Variants in MAP3K15 observed in about 807,000 individuals in gnomAD.
The protein encoded by MAP3K15 is MAPK/ERK kinase kinase 15.
Under a neutral mutation model 99.5 loss-of-function variants are expected in MAP3K15, and 124 were observed. The observed-to-expected ratio is 1.25, with a 90% CI of 1.08 to 1.45. The LOEUF (loss-of-function observed/expected upper bound fraction) is 1.45, where lower values mean the gene tolerates loss of function less well. Ranked by LOEUF, MAP3K15 falls within the 40% of genes most tolerant of loss-of-function variation. The pLI, the probability that MAP3K15 is intolerant of heterozygous loss-of-function variation, is 0.00. For synonymous variants in MAP3K15, 494 were observed against 439.6 expected (o/e 1.12, Z -1.55); for missense variants, 1,242 against 1,079.7 (o/e 1.15, Z -2.11).
At chrX:19,490,784 T>G (rs1365177299) in intron 1 of MAP3K15, among the ~76,000 whole-genome samples, 1 of 109,607 alleles carries the variant, frequency 9.1e-6, no homozygotes, top group Non-Finnish European at 1.9e-5. Flanking sequence ...AAATGCACCC[T>G]GGAGTTGCAC....
chrX:19,377,764 G>A (rs984818855), intron 19 of MAP3K15, among the ~76,000 whole-genome samples: 5 of 111,735 alleles, frequency 4.5e-5, no homozygotes, highest in Admixed American at 3.8e-4. Context: ...ACGCTGCCAT[G>A]GAAGCTGCAG....
At chrX:19,393,606 A>C (rs922019839) in intron 16 of MAP3K15, among the ~76,000 whole-genome samples, 12 of 108,124 alleles carry the variant, frequency 1.1e-4, no homozygotes, top group Non-Finnish European at 2.3e-4. Flanking sequence ...ACTGCACTCC[A>C]GCCTGGGCAA....
intron 11 of MAP3K15, among the ~76,000 whole-genome samples, chrX:19,411,574 C>G (rs2063688323): frequency 9.0e-6 from 1 of 111,026 alleles, no homozygotes; most frequent in Non-Finnish European, 1.9e-5. Flanking sequence ...GTTATGAAGA[C>G]AAATAAAGTA....
chrX:19,416,773 T>C (rs1418530789), intron 9 of MAP3K15, among the ~76,000 whole-genome samples: 1 of 111,975 alleles, frequency 8.9e-6, no homozygotes, highest in Non-Finnish European at 1.9e-5. Context: ...ATTGTTTATG[T>C]TATTGGTAAG....
At chrX:19,494,303 A>G (rs925816890) in intron 1 of MAP3K15, among the ~76,000 whole-genome samples, 15 of 111,127 alleles carry the variant, frequency 1.3e-4, no homozygotes. Flanking sequence ...TTTTTAAGAG[A>G]GAGAGAGAGG....
chrX:19,477,927 G>A (rs1236653253), intron 3 of MAP3K15, among the ~76,000 whole-genome samples: 1 of 1,083 alleles, frequency 9.2e-4, no homozygotes, highest in African/African-American at 1.3e-3. Flanking sequence ...GACAGAGAGA[G>A]AGAGGGAAGG....
intron 18 of MAP3K15, among the ~76,000 whole-genome samples, chrX:19,390,219 C>A (rs755843734): frequency 9.1e-6 from 1 of 109,402 alleles, no homozygotes; most frequent in East Asian, 2.9e-4. Flanking sequence ...CACCCTACAG[C>A]TTTGGTGACT....
Position 19,494,878 on chromosome X carries a change from T to TAAAAAAAAAAAAAAAAA in MAP3K15, c.362-5912_362-5911insTTTTTTTTTTTTTTTTT, listed in dbSNP as rs760808925. Among the ~76,000 whole-genome samples, 79 of 92,378 alleles carry TAAAAAAAAAAAAAAAAA rather than the reference T, an allele frequency of 8.6e-4. 1 individual carries two copies. Among genetic ancestry groups the TAAAAAAAAAAAAAAAAA allele is most frequent in the African/African-American group, 1.8e-3 (45 of 24,661 alleles). The allele number at this position is 92,378 out of a possible 115,157, so 80.2% of individuals were successfully genotyped here. On this transcript the variant is annotated intron_variant, in intron 1 of 28. Coordinates refer to ENST00000338883, the MANE Select transcript of MAP3K15 (RefSeq NM_001001671.4). ...ACACTAGCTACCTAAAAGCTACCTTTAAAAAAAAAAAAAGCCCAGATATAC... is the reference window on the plus strand; with the variant it reads ...ACACTAGCTACCTAAAAGCTACCTTTAAAAAAAAAAAAAAAAAAAAAAAAAAAAAAGCCCAGATATAC...
intron 14 of MAP3K15, 101 bp downstream of exon 14, chrX:19,400,475 A>G: frequency 3.5e-6 from 2 of 565,477 alleles, no homozygotes; most frequent in Non-Finnish European, 2.8e-6. Context: ...AGGTTCATAA[A>G]ACATACTCAA....
At chrX:19,502,292 T>C (rs1033175150) in intron 1 of MAP3K15, among the ~76,000 whole-genome samples, 1 of 110,560 alleles carries the variant, frequency 9.0e-6, no homozygotes, top group Admixed American at 9.7e-5. Context: ...TCCCTACGTG[T>C]GGAGGGAGGG....
At chrX:19,433,636 C>G (rs775639140) in intron 6 of MAP3K15, among the ~76,000 whole-genome samples, 3 of 111,165 alleles carry the variant, frequency 2.7e-5, no homozygotes, top group Non-Finnish European at 5.6e-5. Context: ...TCCTCTAGAT[C>G]TCTATACATC....
chrX:19,415,797 C>T (rs12013987), intron 9 of MAP3K15, among the ~76,000 whole-genome samples: 1 of 111,566 alleles, frequency 9.0e-6, no homozygotes, highest in Non-Finnish European at 1.9e-5. Context: ...TTATCATTTA[C>T]TACCCAACAT....
rs777381294 is a variant in MAP3K15 at position 19,371,435 on chromosome X, C to T, written c.3204G>A (p.Ala1068=). Residue 1068 remains alanine, a synonymous_variant, in exon 23 of 29, where the codon GCG becomes GCA. Transcript: ENST00000338883. ...CCACCTTGAGCTTTGATATTGTGGT[C>T]GCCATCACCCGGTGCTCTGGGGAGC... ...FIRSPEHRVM[A]TTISKLKVDL... The T allele has an allele frequency of 9.1e-6, 11 of 1,210,663 alleles. No homozygotes were observed. Among genetic ancestry groups the T allele is most frequent in the East Asian group, 3.0e-5 (1 of 33,832 alleles).
At position 19,397,101 on chromosome X, in the gene MAP3K15, A is replaced by C. The variant is rs752480644; in HGVS notation, c.2066+1125T>G. ...GTATTTTTAACAGAGACGAGGTTTCACCATGTTCCCCAGGCTGGTCTTGAA... is the reference window on the plus strand; with the variant it reads ...GTATTTTTAACAGAGACGAGGTTTCCCCATGTTCCCCAGGCTGGTCTTGAA... On this transcript the variant is annotated intron_variant, in intron 15 of 28. Coordinates refer to ENST00000338883, the MANE Select transcript of MAP3K15 (RefSeq NM_001001671.4). 7.3e-5 allele frequency among the ~76,000 whole-genome samples: 8 copies of C among 110,167 alleles called. No individual in the cohort carries two copies. In the East Asian group the frequency reaches 2.3e-3, roughly 31 times the overall value.
intron 19 of MAP3K15, among the ~76,000 whole-genome samples, chrX:19,376,542 C>T (rs1362247124): frequency 9.1e-6 from 1 of 110,419 alleles, no homozygotes; most frequent in Non-Finnish European, 1.9e-5. Context: ...AACTCCTGGG[C>T]CCAAGGGATC....
intron 1 of MAP3K15, among the ~76,000 whole-genome samples, chrX:19,492,474 G>T (rs1001653958): frequency 9.0e-6 from 1 of 111,138 alleles, no homozygotes; most frequent in Admixed American, 9.7e-5. Context: ...CCCTTTAGAG[G>T]TCATCTACTA....
At chrX:19,506,194 A>T (rs1003615661) in intron 1 of MAP3K15, among the ~76,000 whole-genome samples, 2 of 111,937 alleles carry the variant, frequency 1.8e-5, no homozygotes, top group Non-Finnish European at 3.8e-5. Context: ...TTGGCCTCCC[A>T]AAGTGCTGGA....
intron 24 of MAP3K15, 39 bp downstream of exon 24, chrX:19,370,920 C>T (rs775422791): frequency 2.6e-5 from 26 of 985,619 alleles, no homozygotes; most frequent in East Asian, 6.3e-5. Context: ...TATCTTTTCA[C>T]GGCCTAAAGC....
chrX:19,372,859 C>T (rs750976442), intron 21 of MAP3K15, 32 bp from the exon 22 acceptor site: 2 of 1,183,324 alleles, frequency 1.7e-6, no homozygotes, highest in Admixed American at 2.2e-5. Flanking sequence ...AATCTCTGTG[C>T]GTGCCGGGGC....
Sources: allele counts gnomAD v4.1 joint callset (sites outside exome capture counted in the v4.1 genomes callset), GRCh38; gene constraint gnomAD v4.1.1; transcripts MANE v1.5; gene names NCBI Gene and HGNC (gene_info 2026-07-23, HGNC 2026-07-21).